Variants in ROBO2 observed in about 807,000 individuals in gnomAD.
ROBO2 encodes roundabout guidance receptor 2, also known as roundabout homolog 2.
In ROBO2, 53 loss-of-function variants were observed where a neutral mutation model predicts 160.8. That is an observed-to-expected ratio of 0.33 (90% CI 0.26 to 0.41). ROBO2 has a LOEUF of 0.41. ROBO2 is among the 10% of genes least tolerant of loss of function. The pLI is 1.00. For missense variants in ROBO2, 1,577 were observed against 1,722.4 expected, an observed-to-expected ratio of 0.92 and a Z score of 1.49; for synonymous variants, 664 against 611.7, an observed-to-expected ratio of 1.09 and a Z score of -1.26.
At chr3:76,263,950 T>C (rs1207486636) in intron 2 of ROBO2, among the ~76,000 whole-genome samples, 1 of 152,192 alleles carries the variant, frequency 6.6e-6, no homozygotes, top group East Asian at 1.9e-4. Context: ...ACCATCATTG[T>C]CAGCAAACTA....
chr3:77,605,522 G>A (rs898025044), intron 20 of ROBO2, among the ~76,000 whole-genome samples: 2 of 152,182 alleles, frequency 1.3e-5, no homozygotes, highest in Non-Finnish European at 2.9e-5. Flanking sequence ...AGAAGAGAAA[G>A]TGATTGTTGG....
intron 2 of ROBO2, among the ~76,000 whole-genome samples, chr3:76,914,646 A>C (rs974743593): frequency 5.9e-5 from 9 of 152,172 alleles, no homozygotes; most frequent in Non-Finnish European, 1.5e-5. Flanking sequence ...GAGTGCAGTT[A>C]TTGGGACAAA....
At chr3:76,629,796 C>T (rs188756024) in intron 2 of ROBO2, among the ~76,000 whole-genome samples, 2 of 152,298 alleles carry the variant, frequency 1.3e-5, no homozygotes, top group East Asian at 3.9e-4. Flanking sequence ...AATGTATTAT[C>T]AGCAAACTTG....
intron 2 of ROBO2, among the ~76,000 whole-genome samples, chr3:76,290,389 AG>A (rs1708745275): frequency 6.6e-6 from 1 of 152,120 alleles, no homozygotes; most frequent in Non-Finnish European, 1.5e-5. Flanking sequence ...ATGCTGCTGA[AG>A]TTGTTTATCA....
intron 2 of ROBO2, among the ~76,000 whole-genome samples, chr3:77,293,545 C>G (rs1231894549): frequency 6.8e-6 from 1 of 146,144 alleles, no homozygotes; most frequent in Admixed American, 6.8e-5. Flanking sequence ...GAGGCTAGAG[C>G]ACTAAAGACA....
intron 2 of ROBO2, among the ~76,000 whole-genome samples, chr3:76,272,840 T>TATATAAAATATATAAAATA (rs1707581254): frequency 3.4e-4 from 1 of 2,978 alleles, no homozygotes; most frequent in African/African-American, 6.5e-4. Context: ...AATATATATA[T>TATATAAAATATATAAAATA]TATATATTAT....
At chr3:77,090,388 C>A (rs2070021561) in intron 1 of ROBO2, among the ~76,000 whole-genome samples, 1 of 111,736 alleles carries the variant, frequency 8.9e-6, no homozygotes, top group African/African-American at 3.4e-5. Flanking sequence ...GAGTTTCGCT[C>A]TGTGGCCCAG....
At chr3:77,523,101 TA>T (rs1405074658) in intron 6 of ROBO2, among the ~76,000 whole-genome samples, 199 bp downstream of exon 6, 1 of 151,400 alleles carries the variant, frequency 6.6e-6, no homozygotes, top group African/African-American at 2.4e-5. Flanking sequence ...TTAAAAAGAT[TA>T]ATTCTTATTT....
At chr3:76,088,541 C>T (rs1298824331) in intron 2 of ROBO2, among the ~76,000 whole-genome samples, 1 of 151,928 alleles carries the variant, frequency 6.6e-6, no homozygotes, top group Non-Finnish European at 1.5e-5. Flanking sequence ...AATGGAATTA[C>T]ACTAGGTCGA....
chr3:76,135,831 A>G (rs1322530815), intron 2 of ROBO2, among the ~76,000 whole-genome samples: 1 of 152,168 alleles, frequency 6.6e-6, no homozygotes, highest in Non-Finnish European at 1.5e-5. Context: ...ACAACAAAAA[A>G]TATATTTACC....
At chr3:77,428,731 T>A (rs1211803017) in intron 2 of ROBO2, among the ~76,000 whole-genome samples, 1 of 152,188 alleles carries the variant, frequency 6.6e-6, no homozygotes, top group Non-Finnish European at 1.5e-5. Flanking sequence ...AATTAATTTT[T>A]ATGTTTTTGC....
chr3:77,299,315 A>G (rs543871666), intron 2 of ROBO2, among the ~76,000 whole-genome samples: 2 of 152,290 alleles, frequency 1.3e-5, no homozygotes, highest in Admixed American at 1.3e-4. Context: ...GAGAGAGCGA[A>G]GACTAGTCTG....
chr3:76,770,581 AC>A (rs935765332), intron 2 of ROBO2, among the ~76,000 whole-genome samples: 1 of 151,192 alleles, frequency 6.6e-6, no homozygotes, highest in African/African-American at 2.4e-5. Context: ...ATAAATATGC[AC>A]CCTTACACCC....
chr3:76,197,802 G>T (rs539716607), intron 2 of ROBO2, among the ~76,000 whole-genome samples: 106 of 152,276 alleles, frequency 7.0e-4, no homozygotes, highest in African/African-American at 2.5e-3. Flanking sequence ...TAATTCTAGA[G>T]CCAGGATGTT....
intron 2 of ROBO2, among the ~76,000 whole-genome samples, chr3:77,353,329 C>T (rs1414718763): frequency 6.6e-6 from 1 of 152,148 alleles, no homozygotes; most frequent in African/African-American, 2.4e-5. Flanking sequence ...AATTATATCA[C>T]CGTTCCTTGT....
intron 2 of ROBO2, among the ~76,000 whole-genome samples, chr3:76,472,468 C>T (rs2078716821): frequency 6.6e-6 from 1 of 152,074 alleles, no homozygotes. Flanking sequence ...CCTCATCCTA[C>T]TATCTATACC....
At chr3:76,519,095 A>T (rs538805047) in intron 2 of ROBO2, among the ~76,000 whole-genome samples, 1 of 152,302 alleles carries the variant, frequency 6.6e-6, no homozygotes, top group South Asian at 2.1e-4. Context: ...CAGAAAGTTG[A>T]GTAAGATTTC....
chr3:76,339,519 T>C (rs1423131710), intron 2 of ROBO2, among the ~76,000 whole-genome samples: 2 of 152,144 alleles, frequency 1.3e-5, no homozygotes, highest in African/African-American at 4.8e-5. Context: ...CCTGGGAGTT[T>C]ATCTTTCTCT....
intron 2 of ROBO2, among the ~76,000 whole-genome samples, chr3:76,184,731 A>G (rs144717275): frequency 0.011 from 1,618 of 152,188 alleles, 28 homozygotes; most frequent in African/African-American, 0.037. Context: ...AGGGAAGTCA[A>G]TGCTGTAATT....
Sources: allele counts gnomAD v4.1 joint callset (sites outside exome capture counted in the v4.1 genomes callset), GRCh38; gene constraint gnomAD v4.1.1; transcripts MANE v1.5; gene names NCBI Gene and HGNC (gene_info 2026-07-23, HGNC 2026-07-21).